Variants in ENTREP2 observed in about 807,000 individuals in gnomAD.
ENTREP2 encodes endosomal transmembrane epsin interactor 2, also known as protein ENTREP2.
At chr15:29,645,019 C>G in the ENTREP2 span, among the ~76,000 whole-genome samples, 23 of 152,120 alleles carry the variant, frequency 1.5e-4, no homozygotes, top group African/African-American at 4.8e-4. Context: ...GAATTAAAGA[C>G]CAGACTGGGA....
At chr15:29,459,201 A>G in the ENTREP2 span, among the ~76,000 whole-genome samples, 1 of 152,208 alleles carries the variant, frequency 6.6e-6, no homozygotes, top group African/African-American at 2.4e-5. Flanking sequence ...CAGCCAGACT[A>G]TCAGTCCTGG....
At chr15:29,607,798 G>GGATAGATA in the ENTREP2 span, among the ~76,000 whole-genome samples, 7,172 of 149,910 alleles carry the variant, frequency 0.048, 182 homozygotes, top group African/African-American at 0.062. Flanking sequence ...TAGAATAGAG[G>GGATAGATA]GATAGATAGA....
the ENTREP2 span, among the ~76,000 whole-genome samples, chr15:29,530,082 T>C: frequency 3.9e-5 from 6 of 151,996 alleles, no homozygotes; most frequent in Non-Finnish European, 7.4e-5. Context: ...TTGGTTGGGG[T>C]GGTCTTTCCC....
the ENTREP2 span, chr15:29,268,876 T>G: frequency 6.2e-7 from 1 of 1,614,126 alleles, no homozygotes; most frequent in Non-Finnish European, 8.5e-7. Context: ...CGCTGGCCAG[T>G]CCTTGGGGTC....
At chr15:29,159,634 A>C in the ENTREP2 span, among the ~76,000 whole-genome samples, 1 of 152,160 alleles carries the variant, frequency 6.6e-6, no homozygotes, top group Non-Finnish European at 1.5e-5. Flanking sequence ...TCCATGTCAC[A>C]ACTAGATTAG....
chr15:29,505,712 C>A, the ENTREP2 span, among the ~76,000 whole-genome samples: 1 of 152,224 alleles, frequency 6.6e-6, no homozygotes, highest in African/African-American at 2.4e-5. The surrounding 1 kb of genome is among the most constrained non-coding windows in gnomAD (Gnocchi z 4.3). Context: ...GCAATAGCAT[C>A]GACATCAACA....
At chr15:29,390,159 C>T in the ENTREP2 span, among the ~76,000 whole-genome samples, 2 of 152,182 alleles carry the variant, frequency 1.3e-5, no homozygotes, top group South Asian at 4.1e-4. Flanking sequence ...CTGAAACCAT[C>T]GGATCTTGAA....
the ENTREP2 span, among the ~76,000 whole-genome samples, chr15:29,618,501 G>A: frequency 1.2e-3 from 189 of 151,846 alleles, no homozygotes; most frequent in African/African-American, 4.1e-3. Flanking sequence ...TTTCCCTCCC[G>A]TGAGCCTCTT....
the ENTREP2 span, among the ~76,000 whole-genome samples, chr15:29,432,833 C>G: frequency 6.6e-6 from 1 of 152,134 alleles, no homozygotes; most frequent in African/African-American, 2.4e-5. Flanking sequence ...GCTCTCCCTG[C>G]AGGCCTGGAG....
At chr15:29,354,715 G>C in the ENTREP2 span, among the ~76,000 whole-genome samples, 1 of 152,102 alleles carries the variant, frequency 6.6e-6, no homozygotes, top group African/African-American at 2.4e-5. Flanking sequence ...CTAGCGACCA[G>C]AAGGAAACAC....
the ENTREP2 span, among the ~76,000 whole-genome samples, chr15:29,513,589 T>A: frequency 5.9e-5 from 9 of 152,142 alleles, no homozygotes; most frequent in Non-Finnish European, 2.9e-5. Context: ...AGGCGTGGGG[T>A]GAACAGGCAA....
At chr15:29,477,979 G>A in the ENTREP2 span, among the ~76,000 whole-genome samples, 3 of 122,648 alleles carry the variant, frequency 2.4e-5, no homozygotes, top group South Asian at 5.9e-4. Context: ...AGAATAGAAA[G>A]AAATTAAATT....
chr15:29,481,495 T>G, the ENTREP2 span, among the ~76,000 whole-genome samples: 6 of 152,212 alleles, frequency 3.9e-5, no homozygotes, highest in East Asian at 1.2e-3. Flanking sequence ...AAAATAGTAT[T>G]AATAAGGAAG....
chr15:29,234,310 G>A, the ENTREP2 span: 66 of 1,609,302 alleles, frequency 4.1e-5, no homozygotes, highest in African/African-American at 8.0e-4. Flanking sequence ...AAAGATATAT[G>A]TAATCTGAAG....
chr15:29,348,107 G>C, the ENTREP2 span, among the ~76,000 whole-genome samples: 1 of 152,146 alleles, frequency 6.6e-6, no homozygotes, highest in Non-Finnish European at 1.5e-5. Context: ...CCTTGCACTA[G>C]AGTTTGAAAA....
chr15:29,570,727 G>T, the ENTREP2 span: 1 of 995,216 alleles, frequency 1.0e-6, no homozygotes, highest in African/African-American at 1.8e-5. Context: ...GAGGCATCGC[G>T]CCGGGCGCCC....
At chr15:29,586,164 T>C in the ENTREP2 span, among the ~76,000 whole-genome samples, 1 of 152,148 alleles carries the variant, frequency 6.6e-6, no homozygotes, top group Non-Finnish European at 1.5e-5. Flanking sequence ...TGATACATGC[T>C]ATAACACAGA....
chr15:29,652,135 A>T, the ENTREP2 span, among the ~76,000 whole-genome samples: 54 of 152,232 alleles, frequency 3.5e-4, no homozygotes, highest in Middle Eastern at 6.8e-3. Context: ...CTGCAGAGAG[A>T]GCCTTCCCAC....
the ENTREP2 span, among the ~76,000 whole-genome samples, chr15:29,199,430 T>C: frequency 3.3e-5 from 5 of 152,174 alleles, no homozygotes; most frequent in Non-Finnish European, 7.3e-5. Flanking sequence ...AGACTGCCTA[T>C]AGGCTGACTT....
Sources: allele counts gnomAD v4.1 joint callset (sites outside exome capture counted in the v4.1 genomes callset), GRCh38; gene constraint gnomAD v4.1.1; non-coding constraint Gnocchi (gnomAD v3.1); transcripts MANE v1.5; gene names NCBI Gene and HGNC (gene_info 2026-07-23, HGNC 2026-07-21).